XPO6: variants seen among roughly 807,000 people sequenced by gnomAD.
The protein encoded by XPO6 is exportin-6.
XPO6 carries 3 observed loss-of-function variants against 130.0 expected under a neutral mutation model. The ratio of observed to expected loss-of-function variants is 0.02; its 90% confidence interval spans 0.01 to 0.06. XPO6 has a LOEUF of 0.06. Ranked by LOEUF, XPO6 falls within the 10% of genes least tolerant of loss-of-function variation. The pLI, the probability that XPO6 is intolerant of heterozygous loss-of-function variation, is 1.00. For synonymous variants in XPO6, 524 were observed against 548.9 expected, an observed-to-expected ratio of 0.95 and a Z score of 0.63; for missense variants, 970 against 1,393.0, an observed-to-expected ratio of 0.70 and a Z score of 4.83.
At chr16:28,204,622 GGAGA>G (rs1398470218) in intron 1 of XPO6, among the ~76,000 whole-genome samples, 1 of 152,166 alleles carries the variant, frequency 6.6e-6, no homozygotes, top group African/African-American at 2.4e-5. Flanking sequence ...CTGGAGCTGA[GGAGA>G]GAGATGTTGG....
intron 1 of XPO6, among the ~76,000 whole-genome samples, chr16:28,196,403 G>T (rs1445405452): frequency 6.6e-6 from 1 of 152,118 alleles, no homozygotes; most frequent in African/African-American, 2.4e-5. Context: ...GGTCACCAGG[G>T]GCTGGGGCAA....
chr16:28,194,516 A>G (rs565897457), intron 1 of XPO6, among the ~76,000 whole-genome samples: 1 of 152,198 alleles, frequency 6.6e-6, no homozygotes, highest in South Asian at 2.1e-4. Context: ...ACTAAATGAG[A>G]AACTGCTTAA....
At position 28,106,763 on chromosome 16, in the gene XPO6, C is replaced by T. The variant is rs116191573; in HGVS notation, c.2498-266G>A. On this transcript the variant is annotated intron_variant, in intron 18 of 23. Coordinates refer to ENST00000304658, the MANE Select transcript of XPO6 (RefSeq NM_015171.4). This position sits in a 1 kb window ranked among gnomAD's most constrained non-coding sequence, Gnocchi z 4.2. ...TCATCTCGAACCCTCCCTCATTGCCCGACATCCAGTGATGGTCAGAGTTTC... is the reference window on the plus strand; with the variant it reads ...TCATCTCGAACCCTCCCTCATTGCCTGACATCCAGTGATGGTCAGAGTTTC... 1.3e-5 allele frequency among the ~76,000 whole-genome samples: 2 copies of T among 152,164 alleles called. No individual in the cohort carries two copies. The highest frequency in any genetic ancestry group is 2.9e-5 in the Non-Finnish European group (2 of 68,018).
chr16:28,135,969 A>C (rs568139464), intron 9 of XPO6, among the ~76,000 whole-genome samples: 3 of 152,204 alleles, frequency 2.0e-5, no homozygotes, highest in Admixed American at 2.0e-4. Context: ...AAGTATTTTC[A>C]AGTTATGATC....
intron 11 of XPO6, among the ~76,000 whole-genome samples, chr16:28,133,007 A>G (rs2141286333): frequency 6.6e-6 from 1 of 152,350 alleles, no homozygotes; most frequent in African/African-American, 2.4e-5. Context: ...GCTTTCCAGG[A>G]GAGAACACAA....
intron 12 of XPO6, 100 bp from the exon 13 acceptor site, chr16:28,125,948 G>T: frequency 6.8e-7 from 1 of 1,470,792 alleles, no homozygotes; most frequent in Non-Finnish European, 9.1e-7. Flanking sequence ...AAAACCAGCA[G>T]CAAAACCAAT....
chr16:28,131,416 G>A (rs920984757), intron 12 of XPO6, among the ~76,000 whole-genome samples: 7 of 152,340 alleles, frequency 4.6e-5, no homozygotes, highest in African/African-American at 1.7e-4. Context: ...CAGGGGCTGC[G>A]CACCAGAGCC....
At chr16:28,165,860 C>G (rs2043348802) in intron 6 of XPO6, among the ~76,000 whole-genome samples, 1 of 152,166 alleles carries the variant, frequency 6.6e-6, no homozygotes, top group Non-Finnish European at 1.5e-5. Flanking sequence ...TGTTCAGATG[C>G]AATTTCCTCT....
At chr16:28,168,778 T>C (rs2043400456) in intron 5 of XPO6, among the ~76,000 whole-genome samples, 1 of 146,520 alleles carries the variant, frequency 6.8e-6, no homozygotes, top group Admixed American at 7.0e-5. Context: ...ACTTTTTTGT[T>C]TTGTTTTTTT....
chr16:28,145,496 CA>C (rs2042967573), intron 9 of XPO6, among the ~76,000 whole-genome samples: 1 of 152,106 alleles, frequency 6.6e-6, no homozygotes, highest in African/African-American at 2.4e-5. Flanking sequence ...AAAAATACAA[CA>C]AAAAGTGCAA....
Position 28,156,378 on chromosome 16 carries a change from T to C in XPO6, c.793A>G (p.Ser265Gly), listed in dbSNP as rs202200544. 1 of 1,614,042 alleles carries C rather than the reference T, an allele frequency of 6.2e-7. No homozygotes were observed. Among genetic ancestry groups the C allele is most frequent in the Non-Finnish European group, 8.5e-7 (1 of 1,180,002 alleles). The change falls in exon 7 of 24, where the codon AGC becomes GGC. Residue 265 changes from serine (S) to glycine (G), a missense_variant. By Grantham distance (56) the Ser-to-Gly change is moderately conservative. This residue lies in a region of XPO6 where 936 missense variants were observed against 1,306.8 expected (regional missense o/e 0.72). Coordinates refer to ENST00000304658, the MANE Select transcript of XPO6 (RefSeq NM_015171.4). ...HLFSWIPLSA[S>G]ITPSLLTTIF... is the part of the protein sequence containing the mutation. Reference sequence around the variant, plus strand: ...GTGGTAAGGAGGGATGGGGTGATGCTGGCAGACAGAGGAATCCAACTGAAG... The same window carrying C: ...GTGGTAAGGAGGGATGGGGTGATGCCGGCAGACAGAGGAATCCAACTGAAG...
Position 28,106,211 on chromosome 16 carries a change from C to T in XPO6, c.2616G>A (p.Glu872=), listed in dbSNP as rs1195509732. 8 of 1,614,088 alleles carry T rather than the reference C, an allele frequency of 5.0e-6. No individual in the cohort carries two copies. Among genetic ancestry groups the T allele is most frequent in the Non-Finnish European group, 6.8e-6 (8 of 1,180,022 alleles). The part of the protein sequence containing the change: ...IQTFLNMFTR[E]QLAESILHEG... ...CGTGGAGGATGCTCTCGGCTAACTG[C>T]TCTCTACAGAGGAGAAAGCCACACA... Residue 872 remains glutamate, a synonymous_variant, in exon 20 of 24, where the codon GAG becomes GAA. Transcript: ENST00000304658. This position sits in a 1 kb window ranked among gnomAD's most constrained non-coding sequence, Gnocchi z 4.2.
chr16:28,116,739 T>C (rs1454058478), intron 15 of XPO6, among the ~76,000 whole-genome samples: 1 of 152,192 alleles, frequency 6.6e-6, no homozygotes, highest in Non-Finnish European at 1.5e-5. Flanking sequence ...CTTTGGTTTG[T>C]GGCACTCCAA....
intron 8 of XPO6, among the ~76,000 whole-genome samples, chr16:28,148,322 C>T (rs1429700804): frequency 6.6e-6 from 1 of 152,208 alleles, no homozygotes; most frequent in Non-Finnish European, 1.5e-5. Flanking sequence ...TTCCTGCAGG[C>T]CCCACTGCGA....
At position 28,156,191 on chromosome 16, in the gene XPO6, A is replaced by G. The variant is rs2043181567; in HGVS notation, c.980T>C (p.Met327Thr). The G allele has an allele frequency of 1.2e-6, 2 of 1,614,138 alleles. No individual in the cohort carries two copies. The highest frequency in any genetic ancestry group is 4.5e-5 in the East Asian group (2 of 44,890). ...NELMSKNCVP[M>T]EFEEYLLRMF... is the part of the protein sequence containing the mutation. ...ACGCAGTAAATACTCCTCAAATTCC[A>G]TAGGCACACAGTTCTTGGACATGAG... Residue 327 changes from methionine to threonine, a missense_variant, in exon 7 of 24, where the codon ATG becomes ACG. This residue lies in a region of XPO6 where 936 missense variants were observed against 1,306.8 expected (regional missense o/e 0.72). Transcript: ENST00000304658.
chr16:28,115,803 C>G (rs1373498599), intron 15 of XPO6, among the ~76,000 whole-genome samples: 1 of 152,224 alleles, frequency 6.6e-6, no homozygotes, highest in Non-Finnish European at 1.5e-5. Flanking sequence ...GTATGGCCAC[C>G]TTCAGCAGTG....
chr16:28,146,988 T>C (rs1030870596), intron 8 of XPO6, among the ~76,000 whole-genome samples: 12 of 152,178 alleles, frequency 7.9e-5, no homozygotes, highest in African/African-American at 2.7e-4. Context: ...CAGGTTCAAC[T>C]TGTGGCTCCA....
chr16:28,203,966 C>A (rs2043988414), intron 1 of XPO6, among the ~76,000 whole-genome samples: 1 of 152,162 alleles, frequency 6.6e-6, no homozygotes, highest in African/African-American at 2.4e-5. Context: ...CATCATCTAG[C>A]CACAAACTAC....
chr16:28,211,293 A>G lies in XPO6; in HGVS notation c.3+73T>C, dbSNP rs1466959727. On this transcript the variant is annotated intron_variant, in intron 1 of 23. Transcript: ENST00000304658. ...GCCATGGGGAGAGCAGCGATGGCTC[A>G]GCAGCCCCGGGGCCCATTCCCACCC... 3.1e-6 allele frequency: 4 copies of G among 1,294,952 alleles called. No individual in the cohort carries two copies. The African/African-American group carries it at 6.1e-5, about 20-fold the overall frequency. The allele number at this position is 1,294,952 out of a possible 1,614,324, so 80.2% of individuals were successfully genotyped here.
Sources: allele counts gnomAD v4.1 joint callset (sites outside exome capture counted in the v4.1 genomes callset), GRCh38; gene constraint gnomAD v4.1.1; regional missense constraint gnomAD v4.1.1; non-coding constraint Gnocchi (gnomAD v3.1); transcripts MANE v1.5; gene names NCBI Gene and HGNC (gene_info 2026-07-23, HGNC 2026-07-21).